Variants in RAB2A observed in about 807,000 individuals in gnomAD.
The protein encoded by RAB2A is RAB2A, member RAS oncogene family.
In RAB2A, 7 loss-of-function variants were observed where a neutral mutation model predicts 32.5. That is an observed-to-expected ratio of 0.22 (90% CI 0.12 to 0.40). The LOEUF is 0.40. Ranked by LOEUF, RAB2A falls within the 10% of genes least tolerant of loss-of-function variation. The pLI is 1.00. For missense variants in RAB2A, 108 were observed against 260.7 expected (o/e 0.41, Z 4.03); for synonymous variants, 79 against 85.2 (o/e 0.93, Z 0.40).
intron 1 of RAB2A, among the ~76,000 whole-genome samples, chr8:60,534,834 C>T (rs1333186516): frequency 6.6e-6 from 1 of 152,158 alleles, no homozygotes; most frequent in Non-Finnish European, 1.5e-5. Context: ...GCCTTATTCC[C>T]TTCCCCATTC....
In RAB2A at chr8:60,576,352, T is replaced by C. The variant is rs1468501050; in HGVS notation, c.186+4239T>C. On this transcript the variant is annotated intron_variant, in intron 3 of 7. Transcript: ENST00000262646. ...CCATTACTGCCTTGTTCTGCTCTTG[T>C]TCTTTTTCTCTTACTTTTTCTCTTG... The C allele has an allele frequency of 1.8e-5, 8 of 440,610 alleles. No individual in the cohort carries two copies. In the East Asian group the frequency reaches 3.6e-4, roughly 20 times the overall value. 27.3% of individuals were successfully genotyped at this position (440,610 alleles called of 1,614,324 possible).
At chr8:60,518,431 G>A (rs778799960) in intron 1 of RAB2A, among the ~76,000 whole-genome samples, 1 of 151,668 alleles carries the variant, frequency 6.6e-6, no homozygotes, top group Non-Finnish European at 1.5e-5. Flanking sequence ...CCGAGGTGGG[G>A]GATCACCTGA....
At chr8:60,618,678 ATTAAT>A (rs1381518918) in intron 7 of RAB2A, 30 bp downstream of exon 7, 3 of 893,338 alleles carry the variant, frequency 3.4e-6, no homozygotes, top group Middle Eastern at 2.6e-4. Context: ...GTTGGTCAAT[ATTAAT>A]TTAGAGTTCA....
chr8:60,598,008 G>A (rs1406293132), intron 6 of RAB2A, among the ~76,000 whole-genome samples: 3 of 152,150 alleles, frequency 2.0e-5, no homozygotes, highest in African/African-American at 7.2e-5. Flanking sequence ...TTTGAGCCTG[G>A]GCAACATGGT....
intron 5 of RAB2A, among the ~76,000 whole-genome samples, chr8:60,590,326 G>C (rs1012902997): frequency 1.3e-5 from 2 of 151,268 alleles, no homozygotes; most frequent in African/African-American, 4.9e-5. Flanking sequence ...AATTCATTGA[G>C]TCATGACACA....
At chr8:60,553,337 G>A (rs184230183) in intron 1 of RAB2A, among the ~76,000 whole-genome samples, 7 of 152,250 alleles carry the variant, frequency 4.6e-5, no homozygotes, top group East Asian at 1.9e-4. Flanking sequence ...AGCCCCTGTC[G>A]CACTTAAAGT....
At chr8:60,576,991 T>G (rs1803643480) in intron 3 of RAB2A, among the ~76,000 whole-genome samples, 1 of 152,178 alleles carries the variant, frequency 6.6e-6, no homozygotes, top group Non-Finnish European at 1.5e-5. Flanking sequence ...CAGTTTTTCT[T>G]ACGTGGCAGC....
chr8:60,522,541 A>ATATC (rs1250132786), intron 1 of RAB2A, among the ~76,000 whole-genome samples: 1 of 152,194 alleles, frequency 6.6e-6, no homozygotes, highest in African/African-American at 2.4e-5. Flanking sequence ...AATTTAAACA[A>ATATC]TATCACACAT....
chr8:60,517,141 T>A lies in RAB2A; in HGVS notation c.-67T>A. 6.9e-7 allele frequency: 1 copy of A among 1,443,010 alleles called. No individual in the cohort carries two copies. The highest frequency in any genetic ancestry group is 9.2e-7 in the Non-Finnish European group (1 of 1,089,438). The allele number at this position is 1,443,010 out of a possible 1,614,324, so 89.4% of individuals were successfully genotyped here. On this transcript the variant is annotated 5_prime_UTR_variant, in exon 1 of 8. Coordinates refer to ENST00000262646, the MANE Select transcript of RAB2A (RefSeq NM_002865.3). ...TTTCGAGGCTGAGCGGCACCGGGGT[T>A]GGGGCGCGGAGGAGGAGCAGCAGCG... is the stretch of plus-strand genomic sequence containing the variant.
At chr8:60,595,781 C>G (rs1586104791) in intron 6 of RAB2A, among the ~76,000 whole-genome samples, 1 of 152,202 alleles carries the variant, frequency 6.6e-6, no homozygotes, top group African/African-American at 2.4e-5. Flanking sequence ...GAGACTTCAG[C>G]ATCCCTTAGG....
intron 6 of RAB2A, among the ~76,000 whole-genome samples, chr8:60,601,465 G>A (rs1490165588): frequency 6.6e-6 from 1 of 152,080 alleles, no homozygotes; most frequent in African/African-American, 2.4e-5. Context: ...AGCCTCCTGA[G>A]TAGATGGGAC....
chr8:60,546,577 T>C (rs922270743), intron 1 of RAB2A, among the ~76,000 whole-genome samples: 8 of 152,224 alleles, frequency 5.3e-5, no homozygotes, highest in Admixed American at 5.2e-4. Flanking sequence ...AGTGAAGAAG[T>C]GATCCATGTT....
chr8:60,563,921 G>C (rs544201053), intron 2 of RAB2A, among the ~76,000 whole-genome samples: 9 of 152,132 alleles, frequency 5.9e-5, no homozygotes, highest in Admixed American at 5.9e-4. Context: ...CTGTATCATA[G>C]TCTCGTGGCT....
Position 60,547,636 on chromosome 8 carries a change from G to A in RAB2A, c.47-11216G>A, listed in dbSNP as rs1435094887. Among the ~76,000 whole-genome samples, 15 of 117,156 alleles carry A rather than the reference G, an allele frequency of 1.3e-4. 1 individual carries two copies. The highest frequency in any genetic ancestry group is 3.4e-4 in the African/African-American group (11 of 32,788). The allele number at this position is 117,156 out of a possible 152,430, so 76.9% of individuals were successfully genotyped here. On this transcript the variant is annotated intron_variant, in intron 1 of 7. Coordinates refer to ENST00000262646, the MANE Select transcript of RAB2A (RefSeq NM_002865.3). ...GCGCCCCTCACCTCCCGGACGGGGC[G>A]GCTGGCCAGGCGGGGGGCTGACCCC...
At chr8:60,517,833 A>C (rs1030006278) in intron 1 of RAB2A, among the ~76,000 whole-genome samples, 6 of 152,102 alleles carry the variant, frequency 3.9e-5, no homozygotes, top group African/African-American at 1.4e-4. Context: ...CTTTTTTAAC[A>C]CCTTCAACTC....
intron 3 of RAB2A, among the ~76,000 whole-genome samples, chr8:60,576,992 A>G (rs1259536199): frequency 6.6e-6 from 1 of 152,038 alleles, no homozygotes; most frequent in African/African-American, 2.4e-5. Context: ...AGTTTTTCTT[A>G]CGTGGCAGCA....
intron 1 of RAB2A, among the ~76,000 whole-genome samples, chr8:60,523,146 G>T (rs899750330): frequency 2.0e-5 from 3 of 146,968 alleles, no homozygotes; most frequent in African/African-American, 7.7e-5. Flanking sequence ...CATGCAAAAG[G>T]ACTCCACATT....
At chr8:60,601,538 A>G (rs1479997328) in intron 6 of RAB2A, among the ~76,000 whole-genome samples, 2 of 152,156 alleles carry the variant, frequency 1.3e-5, no homozygotes, top group South Asian at 2.1e-4. Context: ...AGGTTTCACT[A>G]TGTTGCCCAG....
intron 2 of RAB2A, among the ~76,000 whole-genome samples, chr8:60,561,284 G>A (rs777444719): frequency 6.6e-5 from 10 of 152,076 alleles, no homozygotes; most frequent in Non-Finnish European, 1.2e-4. Flanking sequence ...TGTTTTTCTG[G>A]TTGCACTGAC....
Sources: allele counts gnomAD v4.1 joint callset (sites outside exome capture counted in the v4.1 genomes callset), GRCh38; gene constraint gnomAD v4.1.1; transcripts MANE v1.5; gene names NCBI Gene and HGNC (gene_info 2026-07-23, HGNC 2026-07-21).